Variants in ARHGAP6 observed in about 807,000 individuals in gnomAD.
ARHGAP6 encodes Rho GTPase activating protein 6.
A neutral mutation model predicts 55.7 loss-of-function variants in ARHGAP6; 16 were observed. The observed-to-expected ratio is 0.29, with a 90% CI of 0.19 to 0.44. ARHGAP6 has a LOEUF of 0.44. ARHGAP6 is among the 20% of genes least tolerant of loss of function. ARHGAP6 has a pLI of 1.00. For synonymous variants in ARHGAP6, 382 were observed against 360.9 expected, an observed-to-expected ratio of 1.06 and a Z score of -0.66; for missense variants, 698 against 808.9, an observed-to-expected ratio of 0.86 and a Z score of 1.66.
At chrX:11,317,043 A>G (rs766496492) in intron 1 of ARHGAP6, among the ~76,000 whole-genome samples, 55 of 112,417 alleles carry the variant, frequency 4.9e-4, no homozygotes, top group African/African-American at 1.7e-3. Context: ...CAGTGAGCTG[A>G]TCTTGGTAAT....
intron 1 of ARHGAP6, among the ~76,000 whole-genome samples, chrX:11,285,164 G>GT (rs112532582): frequency 0.039 from 3,438 of 87,725 alleles, 99 homozygotes; most frequent in African/African-American, 0.089. Flanking sequence ...CACACAGATT[G>GT]TTTTTTTTTT....
At chrX:11,433,682 C>T (rs972429554) in intron 1 of ARHGAP6, among the ~76,000 whole-genome samples, 5 of 112,464 alleles carry the variant, frequency 4.4e-5, no homozygotes, top group Non-Finnish European at 9.4e-5. Context: ...CCCATGACAA[C>T]GCCAACACCG....
At chrX:11,172,349 T>A (rs930625044) in intron 8 of ARHGAP6, among the ~76,000 whole-genome samples, 1 of 111,899 alleles carries the variant, frequency 8.9e-6, no homozygotes, top group Non-Finnish European at 1.9e-5. Context: ...GTTTTTTATT[T>A]CATTGACAAG....
chrX:11,436,661 T>C (rs1319918768), intron 1 of ARHGAP6, among the ~76,000 whole-genome samples: 1 of 111,921 alleles, frequency 8.9e-6, no homozygotes, highest in African/African-American at 3.2e-5. Context: ...GATGAATGAA[T>C]AAACAAAATA....
At chrX:11,393,440 G>T (rs899864461) in intron 1 of ARHGAP6, among the ~76,000 whole-genome samples, 5 of 111,262 alleles carry the variant, frequency 4.5e-5, no homozygotes, top group Non-Finnish European at 7.6e-5. Context: ...ATTTTCTATG[G>T]ATATAACAAA....
chrX:11,277,938 A>G (rs1224929182), intron 1 of ARHGAP6, among the ~76,000 whole-genome samples: 2 of 111,484 alleles, frequency 1.8e-5, no homozygotes, highest in African/African-American at 6.5e-5. Flanking sequence ...GGCTTGCTTT[A>G]ATTACTCTTG....
At chrX:11,570,722 C>T (rs113476632) in intron 1 of ARHGAP6, among the ~76,000 whole-genome samples, 2,203 of 111,525 alleles carry the variant, frequency 0.02, 31 homozygotes, top group Middle Eastern at 0.056. Flanking sequence ...TTCAGTATTA[C>T]TTTGGTGCAT....
chrX:11,585,900 A>G (rs1323852189), intron 1 of ARHGAP6, among the ~76,000 whole-genome samples: 4 of 111,458 alleles, frequency 3.6e-5, no homozygotes, highest in Non-Finnish European at 7.5e-5. Flanking sequence ...GTCAGAGCCT[A>G]TATGTCCAGA....
chrX:11,166,863 C>T (rs985665378), intron 9 of ARHGAP6, among the ~76,000 whole-genome samples: 1 of 111,534 alleles, frequency 9.0e-6, no homozygotes, highest in African/African-American at 3.3e-5. Context: ...TTTTCTGGTT[C>T]CAGAGTCAGT....
rs1211815824 is a variant in ARHGAP6, at chrX:11,139,043, G to A, written c.2745C>T (p.Ala915=). The A allele has an allele frequency of 2.5e-6, 3 of 1,207,675 alleles. No homozygotes were observed. The highest frequency in any genetic ancestry group is 1.8e-5 in the South Asian group (1 of 56,313). Residue 915 remains alanine, a synonymous_variant, in exon 13 of 13, where the codon GCC becomes GCT. Transcript: ENST00000337414. ...TCTGCGTGACCTGCTGCTCTCGCTCGGCTGCTTGGCCTCCCTGGTCCGTGG... is the reference window on the plus strand; with the variant it reads ...TCTGCGTGACCTGCTGCTCTCGCTCAGCTGCTTGGCCTCCCTGGTCCGTGG... The part of the protein sequence containing the change: ...ETPTDQGGQA[A]EREQQVTQKK...
intron 1 of ARHGAP6, among the ~76,000 whole-genome samples, chrX:11,323,893 A>C (rs1223415690): frequency 9.2e-6 from 1 of 109,118 alleles, no homozygotes; most frequent in African/African-American, 3.3e-5. Flanking sequence ...AAAAAGAAAA[A>C]AGAAGAAGGG....
At chrX:11,236,189 A>G (rs1215464072) in intron 2 of ARHGAP6, among the ~76,000 whole-genome samples, 3 of 111,921 alleles carry the variant, frequency 2.7e-5, no homozygotes, top group Non-Finnish European at 5.6e-5. Flanking sequence ...GAAACTTACA[A>G]TCATTGTGGA....
At chrX:11,501,838 G>C (rs929271142) in intron 1 of ARHGAP6, among the ~76,000 whole-genome samples, 1 of 111,714 alleles carries the variant, frequency 9.0e-6, no homozygotes, top group Non-Finnish European at 1.9e-5. Flanking sequence ...TGAGTAGGTA[G>C]AGAAGGAGCA....
At chrX:11,587,531 C>T (rs5935115) in intron 1 of ARHGAP6, among the ~76,000 whole-genome samples, 27,805 of 110,753 alleles carry the variant, frequency 0.25, 3,034 homozygotes, top group East Asian at 0.76. Context: ...GGAAGACTAG[C>T]GAGACTGGTA....
At chrX:11,252,950 A>G (rs2047442895) in intron 2 of ARHGAP6, among the ~76,000 whole-genome samples, 1 of 112,078 alleles carries the variant, frequency 8.9e-6, no homozygotes, top group Non-Finnish European at 1.9e-5. Flanking sequence ...TGACAGGATG[A>G]GTTCACAAGT....
intron 1 of ARHGAP6, among the ~76,000 whole-genome samples, chrX:11,441,523 C>G (rs1422502158): frequency 9.0e-6 from 1 of 111,549 alleles, no homozygotes; most frequent in African/African-American, 3.3e-5. Flanking sequence ...CAAGGACACA[C>G]TTGTTCCAAT....
chrX:11,396,670 T>G (rs2049481074), intron 1 of ARHGAP6, among the ~76,000 whole-genome samples: 2 of 111,440 alleles, frequency 1.8e-5, no homozygotes, highest in Admixed American at 1.9e-4. Context: ...TTAAAAACAG[T>G]TCTGGAATGA....
chrX:11,415,428 C>T (rs2147770459), intron 1 of ARHGAP6, among the ~76,000 whole-genome samples: 1 of 112,077 alleles, frequency 8.9e-6, no homozygotes, highest in South Asian at 3.8e-4. Context: ...ATATTGACAT[C>T]CATGACAGAA....
intron 9 of ARHGAP6, among the ~76,000 whole-genome samples, chrX:11,164,331 C>A (rs1290988993): frequency 8.9e-6 from 1 of 111,856 alleles, no homozygotes; most frequent in Admixed American, 9.5e-5. Flanking sequence ...TTTAAACAAG[C>A]CAATAATGTA....
Sources: gnomAD v4.1 joint callset for allele counts (sites outside exome capture counted in the v4.1 genomes callset) on GRCh38, gnomAD v4.1.1 for gene constraint, MANE v1.5 for transcripts, NCBI Gene and HGNC (gene_info 2026-07-23, HGNC 2026-07-21) for gene names.